AKAP19: variants seen among roughly 807,000 people sequenced by gnomAD.
AKAP19 encodes small A-kinase anchoring protein.
the AKAP19 span, among the ~76,000 whole-genome samples, chr2:190,178,076 C>A: frequency 6.6e-6 from 1 of 152,138 alleles, no homozygotes; most frequent in Admixed American, 6.6e-5. This position sits in a 1 kb window ranked among gnomAD's most constrained non-coding sequence, Gnocchi z 6.3. Flanking sequence ...CAAAATCCTG[C>A]AGTTTGTCTC....
chr2:189,968,676 G>A, the AKAP19 span, among the ~76,000 whole-genome samples: 2 of 151,994 alleles, frequency 1.3e-5, no homozygotes. Flanking sequence ...GTAGAAGAAT[G>A]AAAAAAGAAA....
At chr2:189,955,176 C>A in the AKAP19 span, among the ~76,000 whole-genome samples, 1 of 152,152 alleles carries the variant, frequency 6.6e-6, no homozygotes, top group African/African-American at 2.4e-5. Flanking sequence ...TTAGCTTCCA[C>A]TTATAAGTGA....
chr2:189,932,407 CAAA>C, the AKAP19 span, among the ~76,000 whole-genome samples: 379 of 124,038 alleles, frequency 3.1e-3, no homozygotes, highest in Middle Eastern at 4.3e-3. Flanking sequence ...GACTCCAACT[CAAA>C]AAAAAAAAAA....
At chr2:190,080,722 G>A in the AKAP19 span, among the ~76,000 whole-genome samples, 1 of 152,212 alleles carries the variant, frequency 6.6e-6, no homozygotes, top group Non-Finnish European at 1.5e-5. Flanking sequence ...TGTGAAGATA[G>A]AGAATTATAC....
the AKAP19 span, among the ~76,000 whole-genome samples, chr2:189,982,316 G>T: frequency 1.3e-5 from 2 of 151,778 alleles, no homozygotes; most frequent in African/African-American, 4.8e-5. Context: ...ACTGTATTTT[G>T]AAATTCTATT....
the AKAP19 span, among the ~76,000 whole-genome samples, chr2:190,063,606 G>A: frequency 2.0e-5 from 3 of 152,106 alleles, no homozygotes; most frequent in Non-Finnish European, 2.9e-5. Context: ...AAAAAGTGCA[G>A]TATCTATTCT....
chr2:190,038,677 A>T, the AKAP19 span, among the ~76,000 whole-genome samples: 1 of 152,276 alleles, frequency 6.6e-6, no homozygotes, highest in East Asian at 1.9e-4. Flanking sequence ...CAGGAAAAAA[A>T]ATTGATATTA....
the AKAP19 span, among the ~76,000 whole-genome samples, chr2:190,133,276 C>G: frequency 7.3e-6 from 1 of 137,580 alleles, no homozygotes; most frequent in East Asian, 2.2e-4. Flanking sequence ...GCAAAAGAAC[C>G]TGAATAGATA....
At chr2:190,040,029 G>A in the AKAP19 span, among the ~76,000 whole-genome samples, 6 of 152,160 alleles carry the variant, frequency 3.9e-5, no homozygotes, top group Non-Finnish European at 7.4e-5. Context: ...ATACATCTGG[G>A]TATATACCCA....
the AKAP19 span, among the ~76,000 whole-genome samples, chr2:189,945,219 A>C: frequency 5.4e-3 from 820 of 152,362 alleles, 1 homozygote; most frequent in Middle Eastern, 0.031. Context: ...CAGAACTAGT[A>C]GAAAGAAAGA....
the AKAP19 span, among the ~76,000 whole-genome samples, chr2:189,899,846 T>C: frequency 6.6e-6 from 1 of 152,286 alleles, no homozygotes; most frequent in East Asian, 1.9e-4. Flanking sequence ...AATTCATGAA[T>C]TGCAAAAATG....
chr2:190,046,304 G>T, the AKAP19 span, among the ~76,000 whole-genome samples: 1 of 152,000 alleles, frequency 6.6e-6, no homozygotes, highest in East Asian at 1.9e-4. Flanking sequence ...TATAAAATAC[G>T]TATAATAATA....
chr2:190,158,969 T>C, the AKAP19 span, among the ~76,000 whole-genome samples: 1 of 152,016 alleles, frequency 6.6e-6, no homozygotes, highest in Non-Finnish European at 1.5e-5. Context: ...TAAGACAGGA[T>C]GAGGATGCAG....
chr2:190,103,861 C>G, the AKAP19 span, among the ~76,000 whole-genome samples: 1 of 152,066 alleles, frequency 6.6e-6, no homozygotes. Context: ...CAGAAAAGTG[C>G]CCAAATAGCC....
chr2:189,993,333 T>C, the AKAP19 span, among the ~76,000 whole-genome samples: 1 of 152,248 alleles, frequency 6.6e-6, no homozygotes, highest in African/African-American at 2.4e-5. Context: ...TTCCATATGT[T>C]AAACTATCCC....
chr2:189,986,169 C>T, the AKAP19 span, among the ~76,000 whole-genome samples: 1 of 152,146 alleles, frequency 6.6e-6, no homozygotes, highest in Non-Finnish European at 1.5e-5. Flanking sequence ...CCAGAGACCA[C>T]AGTTCCCTGC....
At chr2:190,109,552 G>T in the AKAP19 span, among the ~76,000 whole-genome samples, 1 of 151,586 alleles carries the variant, frequency 6.6e-6, no homozygotes, top group Non-Finnish European at 1.5e-5. Flanking sequence ...CTCTTGGGAG[G>T]GGGACTCTTG....
chr2:190,131,475 T>C, the AKAP19 span, among the ~76,000 whole-genome samples: 1 of 152,208 alleles, frequency 6.6e-6, no homozygotes, highest in African/African-American at 2.4e-5. Flanking sequence ...GGGAGCTCCA[T>C]GTGCCTTTCC....
At chr2:189,900,362 A>G in the AKAP19 span, among the ~76,000 whole-genome samples, 1,406 of 152,156 alleles carry the variant, frequency 9.2e-3, 17 homozygotes, top group Non-Finnish European at 0.011. Context: ...TTTCAAGAAG[A>G]TGTTTTGCAT....
Sources: allele counts gnomAD v4.1 joint callset (sites outside exome capture counted in the v4.1 genomes callset), GRCh38; gene constraint gnomAD v4.1.1; non-coding constraint Gnocchi (gnomAD v3.1); transcripts MANE v1.5; gene names NCBI Gene and HGNC (gene_info 2026-07-23, HGNC 2026-07-21).